The following PTPRR variants were observed in gnomAD, a reference collection of about 807,000 sequenced individuals.
The protein encoded by PTPRR is receptor-type tyrosine-protein phosphatase R.
In PTPRR, 38 loss-of-function variants were observed where a neutral mutation model predicts 77.2. That is an observed-to-expected ratio of 0.49 (90% CI 0.38 to 0.65). The LOEUF is 0.65. Ranked by LOEUF, PTPRR falls within the 30% of genes least tolerant of loss-of-function variation. The pLI is 0.00. For missense variants in PTPRR, 744 were observed against 799.2 expected, an observed-to-expected ratio of 0.93 and a Z score of 0.83; for synonymous variants, 299 against 283.1, an observed-to-expected ratio of 1.06 and a Z score of -0.57.
intron 6 of PTPRR, among the ~76,000 whole-genome samples, chr12:70,744,026 C>T (rs1191305109): frequency 2.0e-5 from 3 of 152,114 alleles, no homozygotes; most frequent in African/African-American, 7.2e-5. Context: ...TGCCTGCAGA[C>T]CCTTTCTTGC....
At chr12:70,670,903 C>G (rs561248276) in intron 10 of PTPRR, among the ~76,000 whole-genome samples, 10 of 152,246 alleles carry the variant, frequency 6.6e-5, no homozygotes, top group Middle Eastern at 6.8e-3. Flanking sequence ...ACTGTTTTTT[C>G]AGCTATGTAT....
chr12:70,704,075 T>A (rs1888526175), intron 6 of PTPRR, among the ~76,000 whole-genome samples: 1 of 152,066 alleles, frequency 6.6e-6, no homozygotes, highest in Non-Finnish European at 1.5e-5. Flanking sequence ...AGCAGGCTTA[T>A]GTAAGAGAGA....
chr12:70,770,754 C>A (rs1055260672), intron 2 of PTPRR, among the ~76,000 whole-genome samples: 2 of 152,054 alleles, frequency 1.3e-5, no homozygotes, highest in Non-Finnish European at 2.9e-5. Context: ...TGGAACCACC[C>A]AAATGTCCAA....
intron 2 of PTPRR, among the ~76,000 whole-genome samples, chr12:70,877,446 G>T (rs1893070335): frequency 6.6e-6 from 1 of 152,102 alleles, no homozygotes; most frequent in Non-Finnish European, 1.5e-5. Context: ...ATTTACTGAT[G>T]CCAGAAAGAA....
intron 6 of PTPRR, among the ~76,000 whole-genome samples, chr12:70,732,493 C>T (rs1467791812): frequency 6.6e-6 from 1 of 152,212 alleles, no homozygotes; most frequent in Non-Finnish European, 1.5e-5. Flanking sequence ...CTAATGAGGC[C>T]AGGCAACCTG....
At chr12:70,685,907 A>G (rs1887850761) in intron 8 of PTPRR, among the ~76,000 whole-genome samples, 1 of 152,214 alleles carries the variant, frequency 6.6e-6, no homozygotes, top group Non-Finnish European at 1.5e-5. Flanking sequence ...GCCCAAAGGT[A>G]CACAGCCAAG....
intron 1 of PTPRR, among the ~76,000 whole-genome samples, chr12:70,909,306 C>G (rs944417854): frequency 2.6e-5 from 4 of 152,122 alleles, no homozygotes; most frequent in Non-Finnish European, 5.9e-5. Flanking sequence ...CATACCCTCC[C>G]CCACCACACA....
At chr12:70,661,226 T>C (rs1167321487) in intron 11 of PTPRR, 129 bp from the exon 12 acceptor site, 7 of 1,253,572 alleles carry the variant, frequency 5.6e-6, no homozygotes, top group Admixed American at 2.0e-5. Flanking sequence ...GAAAAAAATT[T>C]AGAAGATTTT....
Position 70,884,178 on chromosome 12 carries a change from A to G in PTPRR, c.357+8501T>C, listed in dbSNP as rs188443412. On this transcript the variant is annotated intron_variant, in intron 2 of 13. Transcript: ENST00000283228. Reference sequence around the variant, plus strand: ...AAAGAGAAAGAAACACGTTGCTTCTACCACCTGAGTCATAGGGATCACAGT... The same window carrying G: ...AAAGAGAAAGAAACACGTTGCTTCTGCCACCTGAGTCATAGGGATCACAGT... Among the ~76,000 whole-genome samples, 14 of 152,296 alleles carry G rather than the reference A, an allele frequency of 9.2e-5. No individual in the cohort carries two copies. The East Asian group carries it at 2.7e-3, about 29-fold the overall frequency.
intron 1 of PTPRR, among the ~76,000 whole-genome samples, chr12:70,901,739 G>C (rs10748162): frequency 0.73 from 110,676 of 151,582 alleles, 40,548 homozygotes; most frequent in African/African-American, 0.75. Context: ...GCAATAAAAA[G>C]AAAGATAAAT....
At chr12:70,643,297 C>T (rs11178342) in intron 13 of PTPRR, among the ~76,000 whole-genome samples, 1 of 151,874 alleles carries the variant, frequency 6.6e-6, no homozygotes, top group Non-Finnish European at 1.5e-5. Flanking sequence ...CCATACTGAG[C>T]TAATTTTTTC....
intron 10 of PTPRR, among the ~76,000 whole-genome samples, chr12:70,677,217 T>C (rs1246144700): frequency 6.6e-6 from 1 of 152,196 alleles, no homozygotes; most frequent in Non-Finnish European, 1.5e-5. Context: ...TGTTTTTAGC[T>C]AGCTCACCAT....
At chr12:70,663,054 C>CTT (rs1886853317) in intron 10 of PTPRR, among the ~76,000 whole-genome samples, 1 of 152,168 alleles carries the variant, frequency 6.6e-6, no homozygotes, top group Non-Finnish European at 1.5e-5. Context: ...CTTCAACAAA[C>CTT]TTATGTCTAA....
rs1885885772 is a variant in PTPRR at position 70,639,074 on chromosome 12, C to CT, written c.*109dup. On this transcript the variant is annotated 3_prime_UTR_variant, in exon 14 of 14. Transcript: ENST00000283228. ...TTCCACAATCCATGCCATACATGGG[C>CT]TTCAGAGCTTCTCCTTCCTTCCATT... is the stretch of plus-strand genomic sequence containing the variant. 5 of 875,680 alleles carry CT rather than the reference C, an allele frequency of 5.7e-6. No individual in the cohort carries two copies. The highest frequency in any genetic ancestry group is 3.2e-4 in the Middle Eastern group (1 of 3,152). The allele number at this position is 875,680 out of a possible 1,614,324, so 54.2% of individuals were successfully genotyped here. A position where few individuals can be genotyped will look rare whatever the true frequency, so the allele number is the denominator to read the frequency against.
chr12:70,804,183 G>A (rs1239037768), intron 2 of PTPRR, among the ~76,000 whole-genome samples: 1 of 143,110 alleles, frequency 7.0e-6, no homozygotes, highest in Non-Finnish European at 1.5e-5. Context: ...GTGTGTTAAG[G>A]TTAACTTTAA....
At chr12:70,881,081 G>A (rs148986771) in intron 2 of PTPRR, among the ~76,000 whole-genome samples, 26 of 152,108 alleles carry the variant, frequency 1.7e-4, no homozygotes, top group Middle Eastern at 3.4e-3. Context: ...TTTGCTATAC[G>A]CTGCCTAAAA....
chr12:70,669,557 T>TACACACAC (rs1428335906), intron 10 of PTPRR, among the ~76,000 whole-genome samples: 1 of 100,918 alleles, frequency 9.9e-6, no homozygotes, highest in Admixed American at 1.0e-4. Flanking sequence ...ATATATATGT[T>TACACACAC]ATACACACAC....
chr12:70,884,115 C>A (rs570246270), intron 2 of PTPRR, among the ~76,000 whole-genome samples: 1 of 152,254 alleles, frequency 6.6e-6, no homozygotes, highest in South Asian at 2.1e-4. Context: ...AGGGAGAGAA[C>A]CTTCTAGGGA....
In PTPRR at chr12:70,920,730, A is replaced by G; in HGVS notation, c.-340T>C. On this transcript the variant is annotated 5_prime_UTR_variant, in exon 1 of 14. Transcript: ENST00000283228. ...GCAGCCCAGCAGCAGCGCCGCGGCT[A>G]CTGAGCATGCCCAGCGCCGGCCCTC... The G allele has an allele frequency of 3.4e-6, 1 of 292,424 alleles. No individual in the cohort carries two copies. The highest frequency in any genetic ancestry group is 6.8e-6 in the Non-Finnish European group (1 of 146,158). The allele number at this position is 292,424 out of a possible 1,614,324, so 18.1% of individuals were successfully genotyped here.
Sources: gnomAD v4.1 joint callset for allele counts (sites outside exome capture counted in the v4.1 genomes callset) on GRCh38, gnomAD v4.1.1 for gene constraint, MANE v1.5 for transcripts, NCBI Gene and HGNC (gene_info 2026-07-23, HGNC 2026-07-21) for gene names.